Variants in RETREG1 observed in about 807,000 individuals in gnomAD.
RETREG1 encodes the protein family with sequence similarity 134 member B.
A neutral mutation model predicts 54.8 loss-of-function variants in RETREG1; 44 were observed. That is an observed-to-expected ratio of 0.80 (90% CI 0.63 to 1.03). RETREG1 has a LOEUF of 1.03. Among genes scored for constraint, RETREG1 ranks in the 50% least tolerant of loss-of-function variants. The pLI, the probability that RETREG1 is intolerant of heterozygous loss-of-function variation, is 0.00. For missense variants in RETREG1, 554 were observed against 605.1 expected, an observed-to-expected ratio of 0.92 and a Z score of 0.89; for synonymous variants, 217 against 238.5, an observed-to-expected ratio of 0.91 and a Z score of 0.83.
intron 1 of RETREG1, among the ~76,000 whole-genome samples, chr5:16,596,034 TC>T (rs1742887921): frequency 6.6e-6 from 1 of 152,106 alleles, no homozygotes; most frequent in Non-Finnish European, 1.5e-5. Context: ...AAAAAAGAGG[TC>T]AGGAGACTCT....
chr5:16,606,704 A>G (rs1441873133), intron 1 of RETREG1, among the ~76,000 whole-genome samples: 1 of 151,760 alleles, frequency 6.6e-6, no homozygotes, highest in African/African-American at 2.4e-5. Context: ...CTCCAGAGTC[A>G]CCCCAAATCC....
At chr5:16,516,522 C>A (rs948790720) in intron 3 of RETREG1, among the ~76,000 whole-genome samples, 1 of 152,198 alleles carries the variant, frequency 6.6e-6, no homozygotes, top group Non-Finnish European at 1.5e-5. Context: ...GGGGAAGGGC[C>A]TGAGCACCCG....
chr5:16,511,479 T>C (rs1197372068), intron 3 of RETREG1, among the ~76,000 whole-genome samples: 1 of 152,204 alleles, frequency 6.6e-6, no homozygotes, highest in Non-Finnish European at 1.5e-5. Context: ...CAACTTAGGA[T>C]GGGTTTCTCA....
In RETREG1 at chr5:16,483,387, G is replaced by A; in HGVS notation, c.544C>T (p.Leu182Phe). 1 of 1,613,344 alleles carries A rather than the reference G, an allele frequency of 6.2e-7. No homozygotes were observed. Among genetic ancestry groups the A allele is most frequent in the Non-Finnish European group, 8.5e-7 (1 of 1,179,436 alleles). ...TGTTTAAAAAGAGACATTTCTTGAA[G>A]AAATATGCTGAAATTCATCCATGAT... ...AESWMNFSIF[L>F]QEMSLFKQQS... Residue 182 changes from leucine to phenylalanine, a missense_variant, in exon 4 of 9, where the codon CTT (leucine) becomes TTT (phenylalanine). Physicochemically the swap from Leu to Phe is conservative, Grantham distance 22. Transcript: ENST00000306320.
chr5:16,474,476 C>A lies in RETREG1; in HGVS notation c.*265G>T. On this transcript the variant is annotated 3_prime_UTR_variant, in exon 9 of 9. Transcript: ENST00000306320. The stretch of plus-strand genomic sequence containing the variant: ...TTTTTTCTTTTTGCTTTAAAAACAA[C>A]CCCTAATATTTATCTCTGACAACAC... 1 of 373,056 alleles carries A rather than the reference C, an allele frequency of 2.7e-6. No individual in the cohort carries two copies. Among genetic ancestry groups the A allele is most frequent in the Non-Finnish European group, 4.8e-6 (1 of 208,832 alleles). The allele number at this position is 373,056 out of a possible 1,614,324, so 23.1% of individuals were successfully genotyped here.
chr5:16,545,220 C>A (rs533093519), intron 3 of RETREG1, among the ~76,000 whole-genome samples: 6 of 152,096 alleles, frequency 3.9e-5, no homozygotes, highest in South Asian at 2.1e-4. Context: ...CTCATTCTTG[C>A]AATGTGATGA....
intron 1 of RETREG1, among the ~76,000 whole-genome samples, chr5:16,581,369 C>A (rs1382785672): frequency 6.6e-6 from 1 of 152,166 alleles, no homozygotes; most frequent in East Asian, 1.9e-4. Context: ...GAGCATTCAT[C>A]CCCAAGTGAC....
At chr5:16,492,016 C>A (rs143093615) in intron 3 of RETREG1, among the ~76,000 whole-genome samples, 37 of 152,246 alleles carry the variant, frequency 2.4e-4, no homozygotes, top group Middle Eastern at 6.8e-3. Flanking sequence ...GTATCTCCTG[C>A]GGGCACTGTT....
chr5:16,518,364 A>G (rs900375146), intron 3 of RETREG1, among the ~76,000 whole-genome samples: 3 of 150,984 alleles, frequency 2.0e-5, no homozygotes, highest in Non-Finnish European at 4.4e-5. Flanking sequence ...GGCGAGGAGG[A>G]GGAGGGGGAG....
chr5:16,518,760 C>G (rs1007721627), intron 3 of RETREG1, among the ~76,000 whole-genome samples: 2 of 152,118 alleles, frequency 1.3e-5, no homozygotes, highest in Non-Finnish European at 2.9e-5. Flanking sequence ...GAGAAGCTGA[C>G]TGTTTCGTAA....
chr5:16,591,213 G>T (rs1742764530), intron 1 of RETREG1, among the ~76,000 whole-genome samples: 9 of 152,308 alleles, frequency 5.9e-5, no homozygotes, highest in Admixed American at 5.9e-4. Flanking sequence ...CCTCTTTAGG[G>T]TTAAGAACTT....
At position 16,585,732 on chromosome 5, in the gene RETREG1, C is replaced by G. The variant is rs2126331128; in HGVS notation, c.321-13630G>C. Among the ~76,000 whole-genome samples, 1 of 152,312 alleles carries G rather than the reference C, an allele frequency of 6.6e-6. No homozygotes were observed. Among genetic ancestry groups the G allele is most frequent in the East Asian group, 1.9e-4 (1 of 5,178 alleles). ...TGTACAGGAAGCATGGGGTCAGCAT[C>G]TGCTCGGCTTCTCATGAGGCCTCAG... On this transcript the variant is annotated intron_variant, in intron 1 of 8. Coordinates refer to ENST00000306320, the MANE Select transcript of RETREG1 (RefSeq NM_001034850.3). The surrounding 1 kb of genome is among the most constrained non-coding windows in gnomAD (Gnocchi z 4.5).
chr5:16,548,972 G>A (rs927762093), intron 3 of RETREG1, among the ~76,000 whole-genome samples: 1 of 152,232 alleles, frequency 6.6e-6, no homozygotes, highest in African/African-American at 2.4e-5. Context: ...TAGGTGGTGA[G>A]TACCAGCAGT....
chr5:16,607,845 C>T (rs1285028788), intron 1 of RETREG1, among the ~76,000 whole-genome samples: 1 of 151,256 alleles, frequency 6.6e-6, no homozygotes, highest in Non-Finnish European at 1.5e-5. Context: ...TAAATCTCCC[C>T]TCCCCTCCCC....
At chr5:16,609,191 C>T (rs887243277) in intron 1 of RETREG1, among the ~76,000 whole-genome samples, 4 of 152,150 alleles carry the variant, frequency 2.6e-5, no homozygotes, top group African/African-American at 9.7e-5. Flanking sequence ...TGAACAGTAC[C>T]GGTCAACGTC....
At position 16,511,895 on chromosome 5, in the gene RETREG1, T is replaced by C. The variant is rs116589508; in HGVS notation, c.459-28423A>G. 6.2e-3 allele frequency among the ~76,000 whole-genome samples: 939 copies of C among 152,156 alleles called. 12 individuals carry two copies. Among genetic ancestry groups the C allele is most frequent in the African/African-American group, 0.021 (887 of 41,488 alleles). On this transcript the variant is annotated intron_variant, in intron 3 of 8. Coordinates refer to ENST00000306320, the MANE Select transcript of RETREG1 (RefSeq NM_001034850.3). ...ACCATTCATGAGAACTCCACCCCCA[T>C]GATCCCCCATCACCTCCCAGCAGGC...
At chr5:16,515,117 C>A (rs1047398897) in intron 3 of RETREG1, among the ~76,000 whole-genome samples, 1 of 151,918 alleles carries the variant, frequency 6.6e-6, no homozygotes, top group African/African-American at 2.4e-5. Flanking sequence ...TGGGTAGACA[C>A]CCAGTAGTGG....
At chr5:16,616,414 C>T in intron 1 of RETREG1, 2 of 672,172 alleles carry the variant, frequency 3.0e-6, no homozygotes, top group Non-Finnish European at 4.6e-6. Context: ...CCGACCACCT[C>T]GCATCTGAGG....
intron 1 of RETREG1, among the ~76,000 whole-genome samples, chr5:16,609,683 C>T (rs1561138910): frequency 6.6e-6 from 1 of 152,026 alleles, no homozygotes; most frequent in Non-Finnish European, 1.5e-5. Flanking sequence ...TGGAAGGGCC[C>T]AGGATTTCTC....
Sources: allele counts gnomAD v4.1 joint callset (sites outside exome capture counted in the v4.1 genomes callset), GRCh38; gene constraint gnomAD v4.1.1; non-coding constraint Gnocchi (gnomAD v3.1); transcripts MANE v1.5; gene names NCBI Gene and HGNC (gene_info 2026-07-23, HGNC 2026-07-21).